Variants in TENM2 observed in about 807,000 individuals in gnomAD.
TENM2 encodes teneurin transmembrane protein 2.
TENM2 carries 52 observed loss-of-function variants against 245.2 expected under a neutral mutation model. The ratio of observed to expected loss-of-function variants is 0.21; its 90% CI spans 0.17 to 0.27. TENM2 has a LOEUF of 0.27. Ranked by LOEUF, TENM2 falls within the 10% of genes least tolerant of loss-of-function variation. TENM2 has a pLI of 1.00. For synonymous variants in TENM2, 1,363 were observed against 1,438.9 expected (o/e 0.95, Z 1.19); for missense variants, 3,046 against 3,666.8 (o/e 0.83, Z 4.37).
At chr5:168,220,503 ATTTT>A in intron 23 of TENM2, among the ~76,000 whole-genome samples, 1 of 152,190 alleles carries the variant, frequency 6.6e-6, no homozygotes, top group Non-Finnish European at 1.5e-5. Context: ...TTGAAACTGA[ATTTT>A]TTTATCTTAA....
At chr5:168,126,853 G>T in exon 12 of TENM2, 1 of 1,610,300 alleles carries the variant, frequency 6.2e-7, no homozygotes, top group Non-Finnish European at 8.5e-7. Context: ...CAGCGCGTGT[G>T]CCACCCCCGC....
chr5:167,567,331 T>C (rs1266254065), intron 2 of TENM2, among the ~76,000 whole-genome samples: 2 of 152,190 alleles, frequency 1.3e-5, no homozygotes, highest in Non-Finnish European at 2.9e-5. Context: ...TGAAAAATCT[T>C]TCTTAAGAAA....
At chr5:167,768,931 T>C (rs1763219985) in intron 2 of TENM2, among the ~76,000 whole-genome samples, 1 of 152,206 alleles carries the variant, frequency 6.6e-6, no homozygotes, top group African/African-American at 2.4e-5. Context: ...GTGCGGCTCA[T>C]GGTCACTTTC....
At chr5:168,113,745 T>C (rs1488641815) in intron 9 of TENM2, among the ~76,000 whole-genome samples, 1 of 152,216 alleles carries the variant, frequency 6.6e-6, no homozygotes, top group African/African-American at 2.4e-5. Context: ...GTTGTGGTAA[T>C]TTATTTTTCT....
intron 25 of TENM2, chr5:168,232,275 A>C (rs1765003200): frequency 6.6e-6 from 1 of 152,242 alleles, no homozygotes; most frequent in African/African-American, 2.4e-5. Context: ...AGGATTGGGC[A>C]ACTAGCAGGG....
At chr5:167,372,710 T>C (rs979614691) in intron 1 of TENM2, among the ~76,000 whole-genome samples, 4 of 152,238 alleles carry the variant, frequency 2.6e-5, no homozygotes, top group African/African-American at 7.2e-5. Context: ...ACATATCTTA[T>C]GACTCTGTCC....
intron 1 of TENM2, chr5:167,287,199 A>G (rs1754330698): frequency 6.6e-6 from 1 of 152,252 alleles, no homozygotes; most frequent in Admixed American, 6.5e-5. Context: ...AAATAAGCAC[A>G]TATTTAAGGA....
At chr5:167,630,309 A>T (rs1378302952) in intron 2 of TENM2, among the ~76,000 whole-genome samples, 3 of 152,120 alleles carry the variant, frequency 2.0e-5, no homozygotes, top group Admixed American at 1.3e-4. Flanking sequence ...CCTACAGTGG[A>T]TCTGGTAACT....
chr5:167,499,004 A>T (rs1769002719), intron 2 of TENM2, among the ~76,000 whole-genome samples: 1 of 152,266 alleles, frequency 6.6e-6, no homozygotes, highest in Non-Finnish European at 1.5e-5. Flanking sequence ...ATATACCAAA[A>T]TATGCCATAG....
chr5:167,073,554 C>G, the TENM2 span, among the ~76,000 whole-genome samples: 4 of 152,168 alleles, frequency 2.6e-5, no homozygotes, highest in African/African-American at 9.7e-5. Context: ...GTCTCTCCCC[C>G]TCCCAACCCA....
At chr5:167,474,016 C>T (rs993743414) in intron 2 of TENM2, among the ~76,000 whole-genome samples, 2 of 152,020 alleles carry the variant, frequency 1.3e-5, no homozygotes, top group East Asian at 1.9e-4. Flanking sequence ...TGATTTTTTC[C>T]TAGCAGGATT....
chr5:168,169,582 C>G (rs573162840), intron 13 of TENM2, among the ~76,000 whole-genome samples: 28 of 152,208 alleles, frequency 1.8e-4, no homozygotes, highest in African/African-American at 6.8e-4. Flanking sequence ...TGGTTTGACA[C>G]GATTCAGGAA....
the TENM2 span, among the ~76,000 whole-genome samples, chr5:167,024,316 T>G: frequency 6.6e-6 from 1 of 152,204 alleles, no homozygotes; most frequent in African/African-American, 2.4e-5. Flanking sequence ...ATTCTTTTAT[T>G]CATTAAATAG....
the TENM2 span, among the ~76,000 whole-genome samples, chr5:167,111,881 A>C: frequency 6.6e-6 from 1 of 152,214 alleles, no homozygotes; most frequent in Non-Finnish European, 1.5e-5. Flanking sequence ...TGCCTCATCC[A>C]AATTACTTAA....
intron 2 of TENM2, among the ~76,000 whole-genome samples, chr5:167,672,833 GA>G (rs1463314888): frequency 6.9e-6 from 1 of 145,766 alleles, no homozygotes; most frequent in Non-Finnish European, 1.5e-5. Flanking sequence ...CATTCCAACA[GA>G]AAAACTTTGC....
the TENM2 span, among the ~76,000 whole-genome samples, chr5:167,174,292 C>T: frequency 1.3e-5 from 2 of 152,150 alleles, no homozygotes; most frequent in South Asian, 4.1e-4. Flanking sequence ...CAGCTTGTGC[C>T]TATTCTTATG....
chr5:167,550,923 A>G (rs1772900135), intron 2 of TENM2, among the ~76,000 whole-genome samples: 1 of 151,940 alleles, frequency 6.6e-6, no homozygotes, highest in African/African-American at 2.4e-5. Context: ...GAGACGGGGT[A>G]TCACCATATT....
intron 1 of TENM2, among the ~76,000 whole-genome samples, chr5:167,364,658 C>T (rs1286475272): frequency 1.3e-5 from 2 of 151,880 alleles, no homozygotes; most frequent in Non-Finnish European, 2.9e-5. Flanking sequence ...AGAAAGCTGG[C>T]TTGACTGCTT....
chr5:167,920,371 A>T (rs1777270528), intron 3 of TENM2, among the ~76,000 whole-genome samples: 3 of 151,592 alleles, frequency 2.0e-5, no homozygotes, highest in Admixed American at 6.6e-5. Flanking sequence ...ATCAAAAGTT[A>T]GCTGGGCATA....
Sources: gnomAD v4.1 joint callset for allele counts (sites outside exome capture counted in the v4.1 genomes callset) on GRCh38, gnomAD v4.1.1 for gene constraint, MANE v1.5 for transcripts, NCBI Gene and HGNC (gene_info 2026-07-23, HGNC 2026-07-21) for gene names.